The following SEMA6D variants were observed in gnomAD, a reference collection of about 807,000 sequenced individuals.
SEMA6D encodes the protein semaphorin-6D.
SEMA6D carries 35 observed loss-of-function variants against 106.6 expected under a neutral mutation model. The ratio of observed to expected loss-of-function variants is 0.33; its 90% CI spans 0.25 to 0.44. SEMA6D has a LOEUF of 0.44. SEMA6D is among the 20% of genes least tolerant of loss of function. The pLI, the probability that SEMA6D is intolerant of heterozygous loss-of-function variation, is 1.00. For missense variants in SEMA6D, 1,185 were observed against 1,345.9 expected (o/e 0.88, Z 1.87); for synonymous variants, 499 against 487.7 (o/e 1.02, Z -0.31).
chr15:47,264,567 A>ATATG (rs2034226854), intron 1 of SEMA6D, among the ~76,000 whole-genome samples: 1 of 152,042 alleles, frequency 6.6e-6, no homozygotes, highest in East Asian at 1.9e-4. Flanking sequence ...GTCATTGTAT[A>ATATG]TATGTGTATG....
At chr15:47,478,127 T>C (rs1475558369) in intron 3 of SEMA6D, among the ~76,000 whole-genome samples, 1 of 151,946 alleles carries the variant, frequency 6.6e-6, no homozygotes, top group Non-Finnish European at 1.5e-5. Flanking sequence ...CATATATATG[T>C]AACCACTATA....
At chr15:47,379,999 G>A (rs745873621) in intron 1 of SEMA6D, among the ~76,000 whole-genome samples, 3 of 151,956 alleles carry the variant, frequency 2.0e-5, no homozygotes, top group Admixed American at 6.5e-5. Flanking sequence ...TCAGGTAATC[G>A]CCTGCCTCGG....
chr15:47,514,538 A>ATGCGGC (rs2044327652), intron 3 of SEMA6D, among the ~76,000 whole-genome samples: 1 of 152,196 alleles, frequency 6.6e-6, no homozygotes, highest in African/African-American at 2.4e-5. Flanking sequence ...CTTTAGTCAA[A>ATGCGGC]TACTTTAGCA....
intron 3 of SEMA6D, among the ~76,000 whole-genome samples, chr15:47,511,735 T>G (rs1205294655): frequency 6.6e-6 from 1 of 152,160 alleles, no homozygotes; most frequent in African/African-American, 2.4e-5. Context: ...TGAGTAGGAT[T>G]CCAATTAATC....
At chr15:47,636,768 C>T (rs1303915899) in intron 4 of SEMA6D, among the ~76,000 whole-genome samples, 1 of 152,206 alleles carries the variant, frequency 6.6e-6, no homozygotes, top group South Asian at 2.1e-4. Context: ...GGCAACACTA[C>T]TGTAGAACCA....
intron 1 of SEMA6D, among the ~76,000 whole-genome samples, chr15:47,744,938 AGATT>A (rs1710458746): frequency 6.6e-6 from 1 of 152,334 alleles, no homozygotes; most frequent in Admixed American, 6.5e-5. Context: ...CTCATTGTAT[AGATT>A]GGGAAACCGA....
chr15:47,743,795 GT>G (rs1220581527), intron 1 of SEMA6D, among the ~76,000 whole-genome samples: 1 of 152,156 alleles, frequency 6.6e-6, no homozygotes, highest in African/African-American at 2.4e-5. Flanking sequence ...AATTTAGGGG[GT>G]TCAGAGAAGT....
At chr15:47,298,458 G>A (rs2035891021) in intron 1 of SEMA6D, among the ~76,000 whole-genome samples, 1 of 152,070 alleles carries the variant, frequency 6.6e-6, no homozygotes, top group Non-Finnish European at 1.5e-5. Context: ...GGAAACAACT[G>A]TTTGATATGG....
chr15:47,400,479 A>T, intron 1 of SEMA6D, among the ~76,000 whole-genome samples: 1 of 134,958 alleles, frequency 7.4e-6, no homozygotes, highest in Non-Finnish European at 1.6e-5. Flanking sequence ...ACGGAGAGAG[A>T]CTCTGTCTCA....
At position 47,500,823 on chromosome 15, in the gene SEMA6D, G is replaced by T. The variant is rs919464111; in HGVS notation, c.-87+30278G>T. On this transcript the variant is annotated intron_variant, in intron 3 of 19. Coordinates refer to the SEMA6D transcript ENST00000558014. ...GTCAATTGGTTCAGATTTACATTCA[G>T]AAAGGTACATTTGCCTATGCTTACA... Among the ~76,000 whole-genome samples the T allele has an allele frequency of 3.3e-5, 5 of 152,158 alleles. No homozygotes were observed. In the South Asian group the frequency reaches 1.0e-3, roughly 32 times the overall value.
At chr15:47,442,443 AT>A (rs923935862) in intron 2 of SEMA6D, among the ~76,000 whole-genome samples, 1 of 152,056 alleles carries the variant, frequency 6.6e-6, no homozygotes, top group African/African-American at 2.4e-5. Flanking sequence ...TTTAGCCTGC[AT>A]TTGGGGATCC....
At chr15:47,338,302 T>C (rs1045638319) in intron 1 of SEMA6D, among the ~76,000 whole-genome samples, 1 of 152,214 alleles carries the variant, frequency 6.6e-6, no homozygotes, top group African/African-American at 2.4e-5. Context: ...TTGGTATACT[T>C]GTCTCTTAAC....
intron 1 of SEMA6D, among the ~76,000 whole-genome samples, chr15:47,305,494 C>CAGAGG (rs2036198640): frequency 1.3e-5 from 2 of 152,186 alleles, no homozygotes; most frequent in Admixed American, 1.3e-4. Context: ...AAGAGCATTC[C>CAGAGG]TTTCCTTGGT....
At chr15:47,271,412 G>C (rs1183851074) in intron 1 of SEMA6D, among the ~76,000 whole-genome samples, 1 of 152,170 alleles carries the variant, frequency 6.6e-6, no homozygotes, top group African/African-American at 2.4e-5. Context: ...CTGTGTCTAG[G>C]TAAATAAAAG....
chr15:47,530,430 T>C (rs540955182), intron 3 of SEMA6D, among the ~76,000 whole-genome samples: 1 of 152,322 alleles, frequency 6.6e-6, no homozygotes, highest in African/African-American at 2.4e-5. Flanking sequence ...TAGACAATAG[T>C]TCCCTAAATT....
At chr15:47,760,173 A>G (rs2081983392) in intron 2 of SEMA6D, 131 bp from the exon 3 acceptor site, 1 of 672,976 alleles carries the variant, frequency 1.5e-6, no homozygotes, top group Non-Finnish European at 2.5e-6. Context: ...TTATTCATTT[A>G]TATTCAAGAC....
At chr15:47,208,207 C>A (rs576846817) in intron 1 of SEMA6D, among the ~76,000 whole-genome samples, 3 of 151,916 alleles carry the variant, frequency 2.0e-5, no homozygotes, top group Non-Finnish European at 4.4e-5. Flanking sequence ...ATATGACCCA[C>A]CTCATGGGAT....
At chr15:47,685,959 GAC>G (rs1306778045) in intron 4 of SEMA6D, among the ~76,000 whole-genome samples, 1 of 152,172 alleles carries the variant, frequency 6.6e-6, no homozygotes, top group East Asian at 1.9e-4. Context: ...TGTGATTTCT[GAC>G]ACAGAGAGCC....
Position 47,763,090 on chromosome 15 carries a change from A to T in SEMA6D, c.733A>T (p.Asn245Tyr), listed in dbSNP as rs1279465302. 6.2e-7 allele frequency: 1 copy of T among 1,612,004 alleles called. No individual in the cohort carries two copies. Among genetic ancestry groups the T allele is most frequent in the Non-Finnish European group, 8.5e-7 (1 of 1,178,910 alleles). The change falls in exon 9 of 19, where the codon AAT becomes TAT. Residue 245 changes from asparagine to tyrosine, a missense_variant. Asn to Tyr is a moderately radical substitution (Grantham distance 143). Around this residue, in one of 3 missense-constraint regions of SEMA6D, gnomAD observed 291 missense variants for 423.8 expected, o/e 0.69. Transcript: ENST00000536845. The part of the protein sequence containing the change: ...FFFREIAVEH[N>Y]NLGKAVYSRV... ...CTTTCGAGAAATCGCTGTCGAACAT[A>T]ATAATTTAGGCAAGGCAAGTATATG...
Sources: allele counts gnomAD v4.1 joint callset (sites outside exome capture counted in the v4.1 genomes callset), GRCh38; gene constraint gnomAD v4.1.1; regional missense constraint gnomAD v4.1.1; transcripts MANE v1.5; gene names NCBI Gene and HGNC (gene_info 2026-07-23, HGNC 2026-07-21).